GARRE1: variants seen among roughly 807,000 people sequenced by gnomAD.
GARRE1 encodes granule associated Rac and RHOG effector protein 1.
In GARRE1, 49 loss-of-function variants were observed where a neutral mutation model predicts 103.2. The observed-to-expected ratio is 0.47, with a 90% CI of 0.38 to 0.60. GARRE1 has a LOEUF of 0.60. Ranked by LOEUF, GARRE1 falls within the 20% of genes least tolerant of loss-of-function variation. The probability of loss-of-function intolerance (pLI) is 0.00; values close to 1 mark genes in which losing one functional copy is unlikely to be tolerated. For missense variants in GARRE1, 1,199 were observed against 1,370.5 expected (o/e 0.87, Z 1.98); for synonymous variants, 505 against 532.8 (o/e 0.95, Z 0.72).
Position 34,320,905 on chromosome 19 carries a change from C to T in GARRE1, c.705+789C>T, listed in dbSNP as rs1388766526. On this transcript the variant is annotated intron_variant, in intron 3 of 13. Coordinates refer to ENST00000299505, the MANE Select transcript of GARRE1 (RefSeq NM_014686.5). ...GTCTAGCTTATTATTATTATTATTA[C>T]TTTTTTTTTTTTTTTTTTGGTAGAG... Among the ~76,000 whole-genome samples the T allele has an allele frequency of 7.2e-5, 9 of 125,078 alleles. No individual in the cohort carries two copies. In the South Asian group the frequency reaches 1.8e-3, roughly 25 times the overall value. 82.1% of individuals were successfully genotyped at this position (125,078 alleles called of 152,430 possible).
chr19:34,273,522 A>AT (rs2073800055), intron 1 of GARRE1, among the ~76,000 whole-genome samples: 1 of 152,212 alleles, frequency 6.6e-6, no homozygotes, highest in Admixed American at 6.5e-5. Context: ...GGACAAACTA[A>AT]TAATTCAACA....
At chr19:34,305,786 T>C (rs2074004964) in intron 2 of GARRE1, among the ~76,000 whole-genome samples, 1 of 152,210 alleles carries the variant, frequency 6.6e-6, no homozygotes, top group Admixed American at 6.5e-5. Flanking sequence ...TTGTTGTAGT[T>C]TGGAATTTTG....
At chr19:34,309,359 A>G (rs2074026532) in intron 2 of GARRE1, among the ~76,000 whole-genome samples, 1 of 152,270 alleles carries the variant, frequency 6.6e-6, no homozygotes, top group African/African-American at 2.4e-5. Context: ...AACCAAATGT[A>G]AAACATAATT....
intron 1 of GARRE1, among the ~76,000 whole-genome samples, chr19:34,291,534 A>C (rs547556875): frequency 2.6e-5 from 4 of 152,332 alleles, no homozygotes; most frequent in African/African-American, 9.6e-5. Flanking sequence ...TTCTTACTGC[A>C]TCACCCCAAG....
At chr19:34,263,589 T>A (rs2073733359) in intron 1 of GARRE1, among the ~76,000 whole-genome samples, 1 of 151,894 alleles carries the variant, frequency 6.6e-6, no homozygotes, top group South Asian at 2.1e-4. Context: ...GCGATTCTCC[T>A]GCCTCAGCCT....
rs2145266595 is a variant in GARRE1, at chr19:34,326,790, T to TTTTGG, written c.706-631_706-630insTTTGG. On this transcript the variant is annotated intron_variant, in intron 3 of 13. Coordinates refer to ENST00000299505, the MANE Select transcript of GARRE1 (RefSeq NM_014686.5). ...ATGTCTGAGTATATACACACATATA[T>TTTTGG]ATGTGTGTATATACATATATATATA... Among the ~76,000 whole-genome samples, 10 of 152,148 alleles carry TTTTGG rather than the reference T, an allele frequency of 6.6e-5. No individual in the cohort carries two copies. The East Asian group carries it at 1.7e-3, about 26-fold the overall frequency.
At chr19:34,347,546 G>A (rs1299977925) in intron 10 of GARRE1, among the ~76,000 whole-genome samples, 3 of 152,210 alleles carry the variant, frequency 2.0e-5, no homozygotes, top group African/African-American at 7.2e-5. Context: ...AATTTTTTAA[G>A]TAATTAGTAT....
chr19:34,256,455 G>A (rs1391801927), intron 1 of GARRE1, among the ~76,000 whole-genome samples: 2 of 151,724 alleles, frequency 1.3e-5, no homozygotes, highest in Non-Finnish European at 2.9e-5. Context: ...AGGAGGCGAA[G>A]GTTGCAGTGA....
At position 34,352,848 on chromosome 19, in the gene GARRE1, A is replaced by G; in HGVS notation, c.3106A>G (p.Thr1036Ala). The change falls in exon 14 of 14, where the codon ACC (threonine) becomes GCC (alanine). Residue 1036 changes from threonine (T) to alanine (A), a missense_variant. By Grantham distance (58) the Thr-to-Ala change is moderately conservative. Coordinates refer to ENST00000299505, the MANE Select transcript of GARRE1 (RefSeq NM_014686.5). ...TGCCGCTGCCTTCTCCTATGTGCAGACCCCACCCCAGCCCCCACCCCCACC... is the reference window on the plus strand; with the variant it reads ...TGCCGCTGCCTTCTCCTATGTGCAGGCCCCACCCCAGCCCCCACCCCCACC... ...CSAAAFSYVQ[T>A]PPQPPPPPAH... The G allele has an allele frequency of 6.3e-7, 1 of 1,591,634 alleles. No homozygotes were observed. The highest frequency in any genetic ancestry group is 1.3e-5 in the African/African-American group (1 of 74,540).
chr19:34,311,014 G>A (rs2074033842), intron 2 of GARRE1, among the ~76,000 whole-genome samples: 1 of 151,388 alleles, frequency 6.6e-6, no homozygotes, highest in Admixed American at 6.6e-5. Context: ...CCCCCCGCAA[G>A]ACAGGGTTTC....
At chr19:34,298,815 T>C (rs1389629939) in intron 1 of GARRE1, among the ~76,000 whole-genome samples, 2 of 152,232 alleles carry the variant, frequency 1.3e-5, no homozygotes, top group Non-Finnish European at 2.9e-5. Flanking sequence ...ATGTTATTCC[T>C]GATTTTAGCT....
chr19:34,308,513 G>A (rs370968384), intron 2 of GARRE1, among the ~76,000 whole-genome samples: 2 of 152,130 alleles, frequency 1.3e-5, no homozygotes, highest in East Asian at 3.8e-4. Flanking sequence ...TCAGACTTTA[G>A]CCTGTAGAGG....
chr19:34,331,467 C>G lies in GARRE1; in HGVS notation c.1263+1120C>G, dbSNP rs372326958. 3.3e-5 allele frequency among the ~76,000 whole-genome samples: 5 copies of G among 152,270 alleles called. No homozygotes were observed. The South Asian group carries it at 8.3e-4, about 25-fold the overall frequency. On this transcript the variant is annotated intron_variant, in intron 7 of 13. Transcript: ENST00000299505. ...GACCACAGTGGTATAAGTAGTACCC[C>G]CATCCAGTCACTGTATACCGCTGCT...
chr19:34,342,017 C>T lies in GARRE1; in HGVS notation c.2083C>T (p.Pro695Ser), dbSNP rs1254402027. 1 of 1,614,128 alleles carries T rather than the reference C, an allele frequency of 6.2e-7. No individual in the cohort carries two copies. Among genetic ancestry groups the T allele is most frequent in the South Asian group, 1.1e-5 (1 of 91,082 alleles). Residue 695 changes from proline (P) to serine (S), a missense_variant, in exon 10 of 14, where the codon CCT (proline) becomes TCT (serine). Coordinates refer to ENST00000299505, the MANE Select transcript of GARRE1 (RefSeq NM_014686.5). ...GAMQPQQPSL[P>S]VPPPPRAPQA... ...CATGCAACCACAGCAGCCGTCACTG[C>T]CTGTGCCCCCTCCACCACGGGCACC...
chr19:34,352,524 T>TGTGGGA, intron 13 of GARRE1, 123 bp from the exon 14 acceptor site: 1 of 755,488 alleles, frequency 1.3e-6, no homozygotes, highest in Non-Finnish European at 2.3e-6. Context: ...TGGACAGGGG[T>TGTGGGA]GTGGGAGTGA....
At chr19:34,310,483 A>G (rs1460075413) in intron 2 of GARRE1, among the ~76,000 whole-genome samples, 1 of 152,206 alleles carries the variant, frequency 6.6e-6, no homozygotes, top group Non-Finnish European at 1.5e-5. Flanking sequence ...TAATGGTGAA[A>G]TGTCCAGAGC....
intron 3 of GARRE1, among the ~76,000 whole-genome samples, chr19:34,325,953 G>A (rs1289399004): frequency 1.3e-5 from 2 of 152,144 alleles, no homozygotes; most frequent in African/African-American, 2.4e-5. Flanking sequence ...CTTTCTGGGT[G>A]TCTAGGACAT....
intron 11 of GARRE1, chr19:34,348,325 G>A (rs2074222153): frequency 3.5e-6 from 1 of 284,740 alleles, no homozygotes; most frequent in Admixed American, 5.2e-5. Context: ...TTACATGATG[G>A]TGCTTGTGAG....
In GARRE1 at chr19:34,327,794, C is replaced by A; in HGVS notation, c.870C>A (p.Ser290Arg). Reference sequence around the variant, plus strand: ...AGGCATATAAGATAGCTCTGGAAAGCTTAGGACACTGTGAATATGCAATGA... The same window carrying A: ...AGGCATATAAGATAGCTCTGGAAAGATTAGGACACTGTGAATATGCAATGA... ...ALQAYKIALE[S>R]LGHCEYAMKA... The change falls in exon 5 of 14, where the codon AGC becomes AGA. Residue 290 changes from serine (S) to arginine (R), a missense_variant. Transcript: ENST00000299505. 6.2e-7 allele frequency: 1 copy of A among 1,614,034 alleles called. No individual in the cohort carries two copies. The highest frequency in any genetic ancestry group is 8.5e-7 in the Non-Finnish European group (1 of 1,179,924).
Sources: gnomAD v4.1 joint callset for allele counts (sites outside exome capture counted in the v4.1 genomes callset) on GRCh38, gnomAD v4.1.1 for gene constraint, MANE v1.5 for transcripts, NCBI Gene and HGNC (gene_info 2026-07-23, HGNC 2026-07-21) for gene names.